C11orf65: variants seen among roughly 807,000 people sequenced by gnomAD.
C11orf65 encodes the protein protein MFI.
In C11orf65, 38 loss-of-function variants were observed where a neutral mutation model predicts 35.3. The observed-to-expected ratio is 1.08, with a 90% CI of 0.83 to 1.41. The LOEUF is 1.41. C11orf65 is among the 40% of genes most tolerant of loss of function. The pLI, the probability that C11orf65 is intolerant of heterozygous loss-of-function variation, is 0.00. For missense variants in C11orf65, 370 were observed against 367.1 expected (o/e 1.01, Z -0.06); for synonymous variants, 105 against 114.4 (o/e 0.92, Z 0.53).
intron 2 of C11orf65, chr11:108,367,681 A>G (rs574366425): frequency 5.6e-5 from 12 of 214,724 alleles, no homozygotes; most frequent in Non-Finnish European, 8.5e-5. Context: ...TTTATTGCCA[A>G]TGGCAGGCAC....
chr11:108,368,894 T>G (rs754664818), intron 2 of C11orf65: 1 of 199,592 alleles, frequency 5.0e-6, no homozygotes, highest in African/African-American at 2.3e-5. Context: ...AGGAAAAACT[T>G]TGGACAGCGT....
chr11:108,452,449 G>A (rs1174286757), intron 2 of C11orf65, among the ~76,000 whole-genome samples: 1 of 152,168 alleles, frequency 6.6e-6, no homozygotes, highest in East Asian at 1.9e-4. Context: ...ACCACAATGA[G>A]ATACCATCTC....
At chr11:108,316,753 CAA>C (rs58165074) in intron 6 of C11orf65, among the ~76,000 whole-genome samples, 5 of 72,422 alleles carry the variant, frequency 6.9e-5, no homozygotes, top group African/African-American at 1.1e-4. Context: ...ACTAAAAATA[CAA>C]AAAAAAAAAA....
chr11:108,432,544 GA>G (rs2093004253), intron 2 of C11orf65, among the ~76,000 whole-genome samples: 1 of 152,010 alleles, frequency 6.6e-6, no homozygotes, highest in Non-Finnish European at 1.5e-5. Flanking sequence ...GTCCATCTTG[GA>G]AAATTATTTC....
At position 108,310,176 on chromosome 11, in the gene C11orf65, A is replaced by G. The variant is rs753218533; in HGVS notation, c.641-1105T>C. The G allele has an allele frequency of 3.1e-6, 5 of 1,613,476 alleles. No homozygotes were observed. Among genetic ancestry groups the G allele is most frequent in the Non-Finnish European group, 3.4e-6 (4 of 1,179,680 alleles). On this transcript the variant is annotated intron_variant, in intron 6 of 6. Coordinates refer to the C11orf65 transcript ENST00000525729. Reference sequence around the variant, plus strand: ...TTTCTTTAGACCTTCTTCAGGAACAATTTTTAATGATGCTTTCTGGCTGGA... The same window carrying G: ...TTTCTTTAGACCTTCTTCAGGAACAGTTTTTAATGATGCTTTCTGGCTGGA...
intron 2 of C11orf65, among the ~76,000 whole-genome samples, chr11:108,442,431 C>T (rs1357219706): frequency 6.6e-6 from 1 of 152,146 alleles, no homozygotes; most frequent in African/African-American, 2.4e-5. Flanking sequence ...ACTTCCCCAA[C>T]CTAGCAAAAC....
At chr11:108,339,517 G>A (rs772219996) in intron 2 of C11orf65, among the ~76,000 whole-genome samples, 1 of 152,010 alleles carries the variant, frequency 6.6e-6, no homozygotes, top group Non-Finnish European at 1.5e-5. Context: ...ATAGTCATCA[G>A]TCCTTTTTTG....
intron 2 of C11orf65, among the ~76,000 whole-genome samples, chr11:108,451,711 CA>C (rs896095873): frequency 1.3e-5 from 2 of 152,046 alleles, no homozygotes; most frequent in African/African-American, 4.8e-5. Flanking sequence ...AATCCTAAGC[CA>C]AAAGAACAAA....
At chr11:108,466,195 A>G (rs1472667967) in intron 1 of C11orf65, among the ~76,000 whole-genome samples, 5 of 152,154 alleles carry the variant, frequency 3.3e-5, no homozygotes, top group African/African-American at 1.2e-4. Flanking sequence ...TTTAGATAAG[A>G]AATAAGATCG....
intron 2 of C11orf65, among the ~76,000 whole-genome samples, chr11:108,457,812 A>T (rs2093425687): frequency 6.6e-6 from 1 of 152,210 alleles, no homozygotes; most frequent in South Asian, 2.1e-4. Flanking sequence ...CATTTACATT[A>T]CTATAACTAT....
chr11:108,321,313 G>A lies in C11orf65; in HGVS notation c.641-12242C>T, dbSNP rs140423883. 5.8e-5 allele frequency: 94 copies of A among 1,614,072 alleles called. No homozygotes were observed. The highest frequency in any genetic ancestry group is 8.9e-5 in the East Asian group (4 of 44,874). ...TTTTTGCTACTAGAGTAAAAGAAGT[G>A]GAAGAGATGTGTAAGCGCAGCCTTG... On this transcript the variant is annotated intron_variant, in intron 6 of 6. Coordinates refer to the C11orf65 transcript ENST00000525729.
intron 7 of C11orf65, among the ~76,000 whole-genome samples, chr11:108,391,170 A>G (rs11826583): frequency 0.057 from 8,694 of 151,676 alleles, 802 homozygotes; most frequent in African/African-American, 0.2. Flanking sequence ...GTTTTCTTAC[A>G]TTTCTTTACT....
At chr11:108,430,503 A>G (rs2092971699) in intron 3 of C11orf65, among the ~76,000 whole-genome samples, 1 of 152,012 alleles carries the variant, frequency 6.6e-6, no homozygotes, top group South Asian at 2.1e-4. Flanking sequence ...TACCACAAAA[A>G]GTAAATTGAG....
At position 108,336,045 on chromosome 11, in the gene C11orf65, A is replaced by G. The variant is rs2086817139; in HGVS notation, c.227-753T>C. On this transcript the variant is annotated intron_variant, in intron 2 of 3. Transcript: ENST00000524755. ...GGTGAAGTGGCTCATGCCCATATTC[A>G]TAATGCTTTGGGAGGCCAAGGTGGG... is the stretch of plus-strand genomic sequence containing the variant. The G allele has an allele frequency of 4.6e-6, 5 of 1,083,716 alleles. No homozygotes were observed. The South Asian group carries it at 5.2e-5, about 11-fold the overall frequency. The allele number at this position is 1,083,716 out of a possible 1,614,324, so 67.1% of individuals were successfully genotyped here. A position where few individuals can be genotyped will look rare whatever the true frequency, so the allele number is the denominator to read the frequency against.
intron 2 of C11orf65, among the ~76,000 whole-genome samples, chr11:108,445,937 T>C (rs2093248846): frequency 6.6e-6 from 1 of 152,038 alleles, no homozygotes; most frequent in Non-Finnish European, 1.5e-5. Context: ...AAGGAGCTGA[T>C]GGAGCTGAAA....
intron 2 of C11orf65, among the ~76,000 whole-genome samples, chr11:108,432,155 C>T (rs1473534819): frequency 6.6e-6 from 1 of 152,154 alleles, no homozygotes; most frequent in Non-Finnish European, 1.5e-5. Flanking sequence ...ATACAGACTA[C>T]TGATTAAGAA....
intron 2 of C11orf65, among the ~76,000 whole-genome samples, chr11:108,454,657 A>T (rs1282350182): frequency 6.6e-6 from 1 of 151,990 alleles, no homozygotes; most frequent in East Asian, 1.9e-4. Flanking sequence ...ATGTAGTCTC[A>T]CTATGCTGCC....
chr11:108,466,423 A>T (rs2093538866), intron 1 of C11orf65, among the ~76,000 whole-genome samples: 1 of 152,028 alleles, frequency 6.6e-6, no homozygotes, highest in Non-Finnish European at 1.5e-5. Flanking sequence ...AAAATACAAA[A>T]ATAAACTGGG....
At chr11:108,310,417 A>G in intron 6 of C11orf65, 1 of 1,061,202 alleles carries the variant, frequency 9.4e-7, no homozygotes, top group Non-Finnish European at 1.3e-6. Context: ...CCCATTTAAA[A>G]GATATTTTAG....
Sources: gnomAD v4.1 joint callset for allele counts (sites outside exome capture counted in the v4.1 genomes callset) on GRCh38, gnomAD v4.1.1 for gene constraint, MANE v1.5 for transcripts, NCBI Gene and HGNC (gene_info 2026-07-23, HGNC 2026-07-21) for gene names.